The following PTPRM variants were observed in gnomAD, a reference collection of about 807,000 sequenced individuals.
The protein encoded by PTPRM is receptor-type tyrosine-protein phosphatase mu.
Under a neutral mutation model 186.7 loss-of-function variants are expected in PTPRM, and 47 were observed. The observed-to-expected ratio is 0.25, with a 90% CI of 0.20 to 0.32. The LOEUF (loss-of-function observed/expected upper bound fraction) is 0.32, where lower values mean the gene tolerates loss of function less well. PTPRM is among the 10% of genes least tolerant of loss of function. PTPRM has a pLI of 1.00. For synonymous variants in PTPRM, 668 were observed against 674.9 expected (o/e 0.99, Z 0.16); for missense variants, 1,494 against 1,865.0 (o/e 0.80, Z 3.66).
In PTPRM at chr18:7,722,578, A is replaced by G. The variant is rs1185099841; in HGVS notation, c.74-51571A>G. 3.3e-5 allele frequency among the ~76,000 whole-genome samples: 5 copies of G among 152,344 alleles called. No homozygotes were observed. The East Asian group carries it at 5.8e-4, about 18-fold the overall frequency. On this transcript the variant is annotated intron_variant, in intron 1 of 32. Coordinates refer to ENST00000580170, the MANE Select transcript of PTPRM (RefSeq NM_001105244.2). ...AATTGGATATAAAGAAAGCCTTTCT[A>G]TAACTCAAAACCAAGATGAAATAAA...
chr18:7,615,310 T>C (rs953501962), intron 1 of PTPRM, among the ~76,000 whole-genome samples: 11 of 152,202 alleles, frequency 7.2e-5, no homozygotes, highest in African/African-American at 2.7e-4. Context: ...TCTATATTTT[T>C]CATTCTCTTT....
At chr18:8,109,246 G>A (rs1053012589) in intron 11 of PTPRM, among the ~76,000 whole-genome samples, 2 of 152,208 alleles carry the variant, frequency 1.3e-5, no homozygotes, top group Non-Finnish European at 2.9e-5. Flanking sequence ...CAATTGGGCA[G>A]CAGATAGGAT....
chr18:7,720,437 A>C (rs970454428), intron 1 of PTPRM, among the ~76,000 whole-genome samples: 1 of 152,218 alleles, frequency 6.6e-6, no homozygotes, highest in Non-Finnish European at 1.5e-5. Flanking sequence ...TTCTCAAATC[A>C]GTGGGAAATG....
At chr18:8,001,770 GT>G (rs1462635801) in intron 7 of PTPRM, among the ~76,000 whole-genome samples, 1 of 152,148 alleles carries the variant, frequency 6.6e-6, no homozygotes, top group Non-Finnish European at 1.5e-5. Flanking sequence ...AGTTGGCCTG[GT>G]GAGATTGAAT....
intron 2 of PTPRM, among the ~76,000 whole-genome samples, chr18:7,862,140 T>C (rs1265010134): frequency 9.2e-5 from 14 of 152,118 alleles, no homozygotes; most frequent in African/African-American, 2.7e-4. Flanking sequence ...AACATAAAAT[T>C]TATAAGATTA....
At chr18:7,575,026 C>G (rs758751635) in intron 1 of PTPRM, among the ~76,000 whole-genome samples, 2 of 152,018 alleles carry the variant, frequency 1.3e-5, no homozygotes, top group Non-Finnish European at 2.9e-5. Context: ...AGCGAGACTC[C>G]GTCTCAAAAA....
chr18:8,017,237 TGTATA>T (rs1470400399), intron 7 of PTPRM, among the ~76,000 whole-genome samples: 1 of 152,086 alleles, frequency 6.6e-6, no homozygotes, highest in East Asian at 1.9e-4. Flanking sequence ...ACTTTATACT[TGTATA>T]GTATAAAAAT....
intron 2 of PTPRM, among the ~76,000 whole-genome samples, chr18:7,842,965 G>C (rs1369069857): frequency 6.8e-6 from 1 of 148,118 alleles, no homozygotes; most frequent in Non-Finnish European, 1.5e-5. Flanking sequence ...GAGAGAGAGA[G>C]AGAGAGAGAG....
At chr18:8,253,882 T>C (rs1410904577) in intron 19 of PTPRM, among the ~76,000 whole-genome samples, 1 of 152,152 alleles carries the variant, frequency 6.6e-6, no homozygotes, top group African/African-American at 2.4e-5. Context: ...TGAAAACAAA[T>C]TTACCAGGGT....
At chr18:7,924,157 A>T (rs2051034068) in intron 4 of PTPRM, among the ~76,000 whole-genome samples, 1 of 152,044 alleles carries the variant, frequency 6.6e-6, no homozygotes, top group South Asian at 2.1e-4. Flanking sequence ...AGCCACGGTT[A>T]CTCCCTGGAG....
At chr18:7,838,759 A>G (rs2046183899) in intron 2 of PTPRM, among the ~76,000 whole-genome samples, 1 of 152,166 alleles carries the variant, frequency 6.6e-6, no homozygotes, top group Admixed American at 6.5e-5. Context: ...CAGGGTGGAG[A>G]GCTCCCCTAG....
At chr18:7,605,444 C>A (rs574372047) in intron 1 of PTPRM, among the ~76,000 whole-genome samples, 1 of 149,808 alleles carries the variant, frequency 6.7e-6, no homozygotes, top group East Asian at 2.1e-4. Flanking sequence ...CGTTCTAGTA[C>A]CATACTTTGT....
chr18:8,145,779 G>A (rs1166248391), intron 14 of PTPRM, among the ~76,000 whole-genome samples: 1 of 152,152 alleles, frequency 6.6e-6, no homozygotes, highest in Non-Finnish European at 1.5e-5. Context: ...TGCGAATAGT[G>A]CCACGATAAA....
intron 1 of PTPRM, among the ~76,000 whole-genome samples, chr18:7,744,593 C>T (rs1431691542): frequency 6.6e-6 from 1 of 151,974 alleles, no homozygotes; most frequent in East Asian, 1.9e-4. Context: ...TTCCTAGTGC[C>T]TAGACTAGTA....
chr18:7,689,385 A>G (rs751822094), intron 1 of PTPRM, among the ~76,000 whole-genome samples: 75 of 152,352 alleles, frequency 4.9e-4, no homozygotes, highest in African/African-American at 1.3e-3. Context: ...TTGGAGCCAC[A>G]GTAGCAATGC....
At position 7,910,604 on chromosome 18, in the gene PTPRM, A is replaced by G. The variant is rs150586715; in HGVS notation, c.547+4021A>G. On this transcript the variant is annotated intron_variant, in intron 4 of 32. Transcript: ENST00000580170. The stretch of plus-strand genomic sequence containing the variant: ...ACCATTCAGAGGCTGAAGTGAAGAT[A>G]CAAAGTTACACCCTCTGCAAACATC... Among the ~76,000 whole-genome samples, 536 of 152,266 alleles carry G rather than the reference A, an allele frequency of 3.5e-3. 4 individuals carry two copies. The highest frequency in any genetic ancestry group is 0.012 in the African/African-American group (511 of 41,562).
At chr18:7,683,837 C>T (rs546543447) in intron 1 of PTPRM, among the ~76,000 whole-genome samples, 23 of 152,082 alleles carry the variant, frequency 1.5e-4, no homozygotes, top group Non-Finnish European at 2.9e-4. Flanking sequence ...TCAGCCTTTA[C>T]CTGGAGGCTC....
intron 26 of PTPRM, chr18:8,377,805 A>C (rs2095706224): frequency 6.5e-6 from 1 of 153,498 alleles, no homozygotes; most frequent in South Asian, 2.0e-4. Context: ...TTTCATAATC[A>C]TATTAACTTT....
intron 2 of PTPRM, among the ~76,000 whole-genome samples, chr18:7,807,958 G>A (rs331427): frequency 0.015 from 2,254 of 152,126 alleles, 54 homozygotes; most frequent in African/African-American, 0.051. Flanking sequence ...TCGGATTCGT[G>A]GCTCTTTTTT....
Sources: gnomAD v4.1 joint callset for allele counts (sites outside exome capture counted in the v4.1 genomes callset) on GRCh38, gnomAD v4.1.1 for gene constraint, MANE v1.5 for transcripts, NCBI Gene and HGNC (gene_info 2026-07-23, HGNC 2026-07-21) for gene names.